HCN4: variants seen among roughly 807,000 people sequenced by gnomAD.
The protein encoded by HCN4 is potassium/sodium hyperpolarization-activated cyclic nucleotide-gated channel 4.
HCN4 carries 29 observed loss-of-function variants against 76.9 expected under a neutral mutation model. The ratio of observed to expected loss-of-function variants is 0.38; its 90% confidence interval spans 0.28 to 0.51. HCN4 has a LOEUF of 0.51. Among genes scored for constraint, HCN4 ranks in the 20% least tolerant of loss-of-function variants. HCN4 has a pLI of 0.90. For synonymous variants in HCN4, 772 were observed against 762.5 expected (o/e 1.01, Z -0.21); for missense variants, 1,416 against 1,715.2 (o/e 0.83, Z 3.08).
chr15:73,325,224 G>A lies in HCN4; in HGVS notation c.1738-29C>T. ...CCGGACAGGGTGGATTGGGACACGGGAAGGAGGTGGTGAGGGGAGCTGGCT... is the reference window on the plus strand; with the variant it reads ...CCGGACAGGGTGGATTGGGACACGGAAAGGAGGTGGTGAGGGGAGCTGGCT... On this transcript the variant is annotated intron_variant, in intron 5 of 7. Coordinates refer to ENST00000261917, the MANE Select transcript of HCN4 (RefSeq NM_005477.3). This position sits in a 1 kb window ranked among gnomAD's most constrained non-coding sequence, Gnocchi z 7.4. The A allele has an allele frequency of 1.2e-6, 2 of 1,614,106 alleles. No homozygotes were observed. The highest frequency in any genetic ancestry group is 2.2e-5 in the East Asian group (1 of 44,854).
rs190380547 is a variant in HCN4, at chr15:73,350,987, G to A, written c.786-7179C>T. Among the ~76,000 whole-genome samples the A allele has an allele frequency of 6.6e-4, 101 of 152,192 alleles. No individual in the cohort carries two copies. The South Asian group carries it at 0.011, about 17-fold the overall frequency. On this transcript the variant is annotated intron_variant, in intron 1 of 7. Coordinates refer to ENST00000261917, the MANE Select transcript of HCN4 (RefSeq NM_005477.3). ...TCCACTTGATCTTAGCCAAAAGGCCGAGAAGCGATGCTGCTCTCCACTCCT... is the reference window on the plus strand; with the variant it reads ...TCCACTTGATCTTAGCCAAAAGGCCAAGAAGCGATGCTGCTCTCCACTCCT...
intron 4 of HCN4, among the ~76,000 whole-genome samples, chr15:73,326,361 G>A (rs2042899417): frequency 6.6e-6 from 1 of 152,198 alleles, no homozygotes; most frequent in Non-Finnish European, 1.5e-5. Context: ...ACGGGCAAAT[G>A]AGGGCTGAGA....
At chr15:73,334,640 G>C (rs986240471) in intron 2 of HCN4, among the ~76,000 whole-genome samples, 7 of 151,766 alleles carry the variant, frequency 4.6e-5, no homozygotes, top group Non-Finnish European at 5.9e-5. Context: ...CACCATTCAC[G>C]GTCTCAGAGC....
rs2043137730 is a variant in HCN4, at chr15:73,368,040, G to A, written c.231C>T (p.Ser77=). Reference sequence around the variant, plus strand: ...TGCCCGCGCCGCGGGCCGGCCCTTCGCTGTCCGCTGCCCCGAGGGCCGAGC... The same window carrying A: ...TGCCCGCGCCGCGGGCCGGCCCTTCACTGTCCGCTGCCCCGAGGGCCGAGC... ...SRSSALGAAD[S]EGPARGAGKS... The change falls in exon 1 of 8, where the codon AGC becomes AGT. Residue 77 remains serine, a synonymous_variant. Coordinates refer to ENST00000261917, the MANE Select transcript of HCN4 (RefSeq NM_005477.3). This position sits in a 1 kb window ranked among gnomAD's most constrained non-coding sequence, Gnocchi z 6.9. 13 of 1,457,406 alleles carry A rather than the reference G, an allele frequency of 8.9e-6. No individual in the cohort carries two copies. The highest frequency in any genetic ancestry group is 1.1e-5 in the Non-Finnish European group (12 of 1,111,040). The allele number at this position is 1,457,406 out of a possible 1,614,324, so 90.3% of individuals were successfully genotyped here.
intron 6 of HCN4, 146 bp from the exon 7 acceptor site, chr15:73,324,399 A>T: frequency 1.2e-6 from 1 of 831,948 alleles, no homozygotes; most frequent in Non-Finnish European, 1.9e-6. Context: ...GCCACACTGG[A>T]TGCCTCTTCC....
Position 73,368,541 on chromosome 15 carries a change from T to G in HCN4, c.-271A>C. Reference sequence around the variant, plus strand: ...CTCCCTTCTTGCCTCCCTCCCTCCCTCTGGCGTTCAGGGGCGCGGCGCGCC... The same window carrying G: ...CTCCCTTCTTGCCTCCCTCCCTCCCGCTGGCGTTCAGGGGCGCGGCGCGCC... On this transcript the variant is annotated 5_prime_UTR_variant, in exon 1 of 8. Coordinates refer to ENST00000261917, the MANE Select transcript of HCN4 (RefSeq NM_005477.3). This position sits in a 1 kb window ranked among gnomAD's most constrained non-coding sequence, Gnocchi z 6.9. 3.9e-6 allele frequency: 1 copy of G among 257,070 alleles called. No individual in the cohort carries two copies. Among genetic ancestry groups the G allele is most frequent in the Non-Finnish European group, 7.4e-6 (1 of 135,330 alleles). The allele number at this position is 257,070 out of a possible 1,614,324, so 15.9% of individuals were successfully genotyped here. A position where few individuals can be genotyped will look rare whatever the true frequency, so the allele number is the denominator to read the frequency against.
In HCN4 at chr15:73,321,839, C is replaced by T. The variant is rs532998637; in HGVS notation, c.*642G>A. 3.2e-5 allele frequency: 5 copies of T among 155,594 alleles called. No homozygotes were observed. In the South Asian group the frequency reaches 8.1e-4, roughly 25 times the overall value. The allele number at this position is 155,594 out of a possible 1,614,324, so 9.6% of individuals were successfully genotyped here. A position where few individuals can be genotyped will look rare whatever the true frequency, so the allele number is the denominator to read the frequency against. ...CCTGTCAACATGGGATTAAACTAGACCGCACACGTGTGCGCACATGTGAGT... is the reference window on the plus strand; with the variant it reads ...CCTGTCAACATGGGATTAAACTAGATCGCACACGTGTGCGCACATGTGAGT... On this transcript the variant is annotated 3_prime_UTR_variant, in exon 8 of 8. Transcript: ENST00000261917.
At position 73,323,799 on chromosome 15, in the gene HCN4, G is replaced by T; in HGVS notation, c.2294C>A (p.Ala765Asp). 1 of 1,607,264 alleles carries T rather than the reference G, an allele frequency of 6.2e-7. No individual in the cohort carries two copies. Residue 765 changes from alanine to aspartate, a missense_variant, in exon 8 of 8, where the codon GCC becomes GAC. Coordinates refer to ENST00000261917, the MANE Select transcript of HCN4 (RefSeq NM_005477.3). ...CAHRVQAAASATPTPTPVIWT... is the reference protein window; with the variant it reads ...CAHRVQAAASDTPTPTPVIWT... ...GATGACGGGCGTGGGGGTTGGGGTG[G>T]CAGAGGCAGCAGCCTGGACGCGGTG...
rs766746544 is a variant in HCN4, at chr15:73,323,875, C to T, written c.2218G>A (p.Glu740Lys). Reference sequence around the variant, plus strand: ...TGCTGCACAATCTGCTGGATGATCTCATTCTCCTGGTAGTTGAAGACGCCG... The same window carrying T: ...TGCTGCACAATCTGCTGGATGATCTTATTCTCCTGGTAGTTGAAGACGCCG... ...NSGVFNYQEN[E>K]IIQQIVQHDR... is the part of the protein sequence containing the mutation. Residue 740 changes from glutamate to lysine, a missense_variant, in exon 8 of 8, where the codon GAG becomes AAG. Around this residue, in one of 6 missense-constraint regions of HCN4, gnomAD observed 241 missense variants for 379.4 expected, o/e 0.64. Transcript: ENST00000261917. The T allele has an allele frequency of 6.2e-7, 1 of 1,604,414 alleles. No homozygotes were observed. The highest frequency in any genetic ancestry group is 8.5e-7 in the Non-Finnish European group (1 of 1,179,956).
intron 4 of HCN4, among the ~76,000 whole-genome samples, chr15:73,327,986 G>C (rs1008905583): frequency 3.9e-5 from 6 of 152,210 alleles, no homozygotes; most frequent in African/African-American, 1.4e-4. Flanking sequence ...TGACCCTACT[G>C]TGTGCCAGGC....
chr15:73,341,115 T>C (rs1055520077), intron 2 of HCN4: 3 of 150,428 alleles, frequency 2.0e-5, no homozygotes, highest in African/African-American at 7.4e-5. Flanking sequence ...TAAATATATA[T>C]ATATTATAAA....
intron 2 of HCN4, among the ~76,000 whole-genome samples, chr15:73,337,291 C>T (rs2042972448): frequency 6.6e-6 from 1 of 152,240 alleles, no homozygotes; most frequent in African/African-American, 2.4e-5. Flanking sequence ...AGGCAGGGCT[C>T]CTCTCTACTT....
chr15:73,349,071 G>C (rs900449230), intron 1 of HCN4, among the ~76,000 whole-genome samples: 2 of 149,616 alleles, frequency 1.3e-5, no homozygotes, highest in African/African-American at 5.0e-5. Context: ...CAGTCACCAT[G>C]TCTAGTCTAG....
intron 4 of HCN4, among the ~76,000 whole-genome samples, chr15:73,326,949 G>A (rs1365378313): frequency 6.6e-6 from 1 of 151,446 alleles, no homozygotes; most frequent in East Asian, 1.9e-4. Flanking sequence ...ACCACGCCTG[G>A]CTAATTTTTG....
In HCN4 at chr15:73,332,040, G is replaced by A. The variant is rs894365309; in HGVS notation, c.1371+91C>T. 45 of 1,307,358 alleles carry A rather than the reference G, an allele frequency of 3.4e-5. No individual in the cohort carries two copies. In the African/African-American group the frequency reaches 6.1e-4, roughly 18 times the overall value. The allele number at this position is 1,307,358 out of a possible 1,614,324, so 81.0% of individuals were successfully genotyped here. ...GCAGCACTCAGGGTCCTACATGCTG[G>A]AACTCAGAAGTTCCAAGTCCACATC... On this transcript the variant is annotated intron_variant, in intron 3 of 7. Coordinates refer to ENST00000261917, the MANE Select transcript of HCN4 (RefSeq NM_005477.3).
At chr15:73,347,736 G>T (rs1326263024) in intron 1 of HCN4, among the ~76,000 whole-genome samples, 1 of 152,084 alleles carries the variant, frequency 6.6e-6, no homozygotes, top group Non-Finnish European at 1.5e-5. Context: ...TGGGTGTAAT[G>T]CCCTGACAGG....
Position 73,367,674 on chromosome 15 carries a change from C to A in HCN4, c.597G>T (p.Gln199His), listed in dbSNP as rs768734319. 24 of 1,604,428 alleles carry A rather than the reference C, an allele frequency of 1.5e-5. No homozygotes were observed. Among genetic ancestry groups the A allele is most frequent in the African/African-American group, 1.3e-4 (10 of 74,916 alleles). Residue 199 changes from glutamine (Q) to histidine (H), a missense_variant, in exon 1 of 8, where the codon CAG becomes CAT. By Grantham distance (24) the Gln-to-His change is conservative. Around this residue, in one of 6 missense-constraint regions of HCN4, gnomAD observed 355 missense variants for 347.8 expected, o/e 1.02. Coordinates refer to ENST00000261917, the MANE Select transcript of HCN4 (RefSeq NM_005477.3). The surrounding 1 kb of genome is among the most constrained non-coding windows in gnomAD (Gnocchi z 7.5). ...KVEGGAAAGD[Q>H]ILPEAEVRLG... ...GGCGCACCTCGGCCTCCGGGAGGAT[C>A]TGGTCGCCGGCAGCCGCGCCTCCCT...
At chr15:73,329,162 G>A (rs2042917067) in intron 4 of HCN4, among the ~76,000 whole-genome samples, 2 of 152,202 alleles carry the variant, frequency 1.3e-5, no homozygotes, top group African/African-American at 2.4e-5. Flanking sequence ...TGACTGGGAA[G>A]AGAAGCCAGC....
rs2042938220 is a variant in HCN4, at chr15:73,332,305, G to T, written c.1210-13C>A. The T allele has an allele frequency of 6.2e-7, 1 of 1,614,000 alleles. No individual in the cohort carries two copies. Among genetic ancestry groups the T allele is most frequent in the Non-Finnish European group, 8.5e-7 (1 of 1,179,966 alleles). On this transcript the variant is annotated splice_polypyrimidine_tract_variant and intron_variant, in intron 2 of 7. Transcript: ENST00000261917. ...TCATGTGGAAGATCTGCCAGCAGAG[G>T]AGGAGAAATTGGCTGGGATAGGTGA...
Sources: gnomAD v4.1 joint callset for allele counts (sites outside exome capture counted in the v4.1 genomes callset) on GRCh38, gnomAD v4.1.1 for gene constraint, gnomAD v4.1.1 regional missense constraint, Gnocchi (gnomAD v3.1) non-coding constraint, MANE v1.5 for transcripts, NCBI Gene and HGNC (gene_info 2026-07-23, HGNC 2026-07-21) for gene names.